Variants in MYO18B observed in about 807,000 individuals in gnomAD.
The protein encoded by MYO18B is unconventional myosin-XVIIIb.
MYO18B carries 204 observed loss-of-function variants against 273.0 expected under a neutral mutation model. The ratio of observed to expected loss-of-function variants is 0.75; its 90% CI spans 0.67 to 0.84. MYO18B has a LOEUF of 0.84. Ranked by LOEUF, MYO18B falls within the 40% of genes least tolerant of loss-of-function variation. The pLI, the probability that MYO18B is intolerant of heterozygous loss-of-function variation, is 0.00. For missense variants in MYO18B, 3,212 were observed against 3,287.6 expected (o/e 0.98, Z 0.56); for synonymous variants, 1,330 against 1,305.7 (o/e 1.02, Z -0.40).
At chr22:25,929,200 A>G (rs1280703342) in intron 34 of MYO18B, among the ~76,000 whole-genome samples, 1 of 151,870 alleles carries the variant, frequency 6.6e-6, no homozygotes, top group Non-Finnish European at 1.5e-5. Context: ...AAAATATAAC[A>G]TAACATCCCC....
At chr22:25,781,274 G>A (rs993536385) in intron 9 of MYO18B, among the ~76,000 whole-genome samples, 1 of 152,150 alleles carries the variant, frequency 6.6e-6, no homozygotes, top group Non-Finnish European at 1.5e-5. Flanking sequence ...TGACGTGGAG[G>A]TTGCCAGCAA....
chr22:25,925,872 T>A (rs1470582380), intron 34 of MYO18B, among the ~76,000 whole-genome samples: 12 of 119,822 alleles, frequency 1.0e-4, no homozygotes, highest in Non-Finnish European at 3.2e-5. Context: ...GCCATTGCAC[T>A]CCAGCATGGG....
In MYO18B at chr22:25,863,342, C is replaced by T. The variant is rs137973514; in HGVS notation, c.3886-4978C>T. 7.9e-4 allele frequency among the ~76,000 whole-genome samples: 121 copies of T among 152,304 alleles called. 1 individual carries two copies. Among genetic ancestry groups the T allele is most frequent in the African/African-American group, 2.8e-3 (118 of 41,570 alleles). The stretch of plus-strand genomic sequence containing the variant: ...TCTGAACCCACAAAGATACTTTCTA[C>T]TGTTTCCCCTCACCCTTAGTTTGGA... On this transcript the variant is annotated intron_variant, in intron 21 of 43. Coordinates refer to ENST00000335473, the MANE Select transcript of MYO18B (RefSeq NM_032608.7).
chr22:25,753,277 T>C (rs1397652042), intron 1 of MYO18B, among the ~76,000 whole-genome samples: 2 of 152,154 alleles, frequency 1.3e-5, no homozygotes, highest in Non-Finnish European at 2.9e-5. Flanking sequence ...AACTTTCATG[T>C]CTAGCTAAAG....
At chr22:26,029,681 C>T (rs1028015263) in intron 43 of MYO18B, among the ~76,000 whole-genome samples, 5 of 152,130 alleles carry the variant, frequency 3.3e-5, no homozygotes, top group South Asian at 4.2e-4. Flanking sequence ...ACACCTCCAA[C>T]GATGCAAATG....
Position 25,858,386 on chromosome 22 carries a change from G to A in MYO18B, c.3885+6807G>A, listed in dbSNP as rs1601376711. On this transcript the variant is annotated intron_variant, in intron 21 of 43. Coordinates refer to ENST00000335473, the MANE Select transcript of MYO18B (RefSeq NM_032608.7). ...GGGGGCAGGTGCTATATGGACGGCA[G>A]CCAAATGGTTCACAGGATGAGTATC... Among the ~76,000 whole-genome samples, 3 of 152,224 alleles carry A rather than the reference G, an allele frequency of 2.0e-5. No homozygotes were observed. In the East Asian group the frequency reaches 5.8e-4, roughly 29 times the overall value.
At chr22:26,060,458 G>T in the MYO18B span, among the ~76,000 whole-genome samples, 1 of 152,254 alleles carries the variant, frequency 6.6e-6, no homozygotes, top group African/African-American at 2.4e-5. Context: ...AATGCAGGAA[G>T]TTGCAAAGGA....
chr22:25,832,839 G>C, intron 15 of MYO18B, 78 bp from the exon 16 acceptor site: 1 of 1,340,822 alleles, frequency 7.5e-7, no homozygotes, highest in South Asian at 1.2e-5. Context: ...AATCCTCTCC[G>C]CTTTTTCCTT....
chr22:25,787,286 A>G (rs1286366236), intron 11 of MYO18B, among the ~76,000 whole-genome samples: 128 of 77,526 alleles, frequency 1.7e-3, no homozygotes, highest in African/African-American at 4.9e-3. Flanking sequence ...ACACACACAC[A>G]CACACACACA....
intron 24 of MYO18B, chr22:25,877,032 A>G (rs2091219067): frequency 6.6e-6 from 1 of 152,220 alleles, no homozygotes; most frequent in Non-Finnish European, 1.5e-5. Flanking sequence ...TCATAGGCAC[A>G]GTGCTGAGCC....
chr22:26,023,852 C>G (rs887373273), intron 42 of MYO18B, among the ~76,000 whole-genome samples: 3 of 152,198 alleles, frequency 2.0e-5, no homozygotes, highest in Non-Finnish European at 4.4e-5. Context: ...CGTGTGAATG[C>G]CATCTTGCTG....
chr22:25,979,809 C>T (rs1051737714), intron 39 of MYO18B, among the ~76,000 whole-genome samples: 2 of 152,148 alleles, frequency 1.3e-5, no homozygotes, highest in African/African-American at 4.8e-5. Flanking sequence ...CCTTCCCCTT[C>T]TCCATCCCAA....
chr22:26,009,482 T>C (rs1158824928), intron 42 of MYO18B, among the ~76,000 whole-genome samples: 1 of 152,202 alleles, frequency 6.6e-6, no homozygotes, highest in Non-Finnish European at 1.5e-5. Context: ...TTCTCAGACG[T>C]GTTGTTAATA....
At chr22:25,914,487 T>C (rs2092223442) in intron 33 of MYO18B, among the ~76,000 whole-genome samples, 1 of 152,032 alleles carries the variant, frequency 6.6e-6, no homozygotes, top group South Asian at 2.1e-4. Context: ...ATGGCTATTA[T>C]GAATAGAATA....
rs2092643108 is a variant in MYO18B, at chr22:25,941,443, C to G, written c.5518-4694C>G. Among the ~76,000 whole-genome samples, 3 of 152,220 alleles carry G rather than the reference C, an allele frequency of 2.0e-5. No individual in the cohort carries two copies. The South Asian group carries it at 6.2e-4, about 32-fold the overall frequency. ...TACTACCCACTGCTCTCTGATGGCT[C>G]TTCCTGGAGCTCCTCAGGGGAAGGC... On this transcript the variant is annotated intron_variant, in intron 34 of 43. Coordinates refer to ENST00000335473, the MANE Select transcript of MYO18B (RefSeq NM_032608.7).
At chr22:25,962,623 AG>A in intron 39 of MYO18B, among the ~76,000 whole-genome samples, 1 of 152,310 alleles carries the variant, frequency 6.6e-6, no homozygotes, top group Middle Eastern at 3.4e-3. Flanking sequence ...GATCTAGAGG[AG>A]GAGATGCACA....
In MYO18B at chr22:26,030,026, G is replaced by T. The variant is rs533293097; in HGVS notation, c.*13-417G>T. ...GAGTTGCTACAGTAACGCCACCTGG[G>T]TATACAGAATTCCAGGCCCTCCACC... On this transcript the variant is annotated intron_variant, in intron 43 of 43. Coordinates refer to ENST00000335473, the MANE Select transcript of MYO18B (RefSeq NM_032608.7). 9.9e-5 allele frequency among the ~76,000 whole-genome samples: 15 copies of T among 152,194 alleles called. 1 individual carries two copies. The highest frequency in any genetic ancestry group is 1.8e-4 in the Non-Finnish European group (12 of 68,018).
At chr22:25,845,731 C>T (rs2090221118) in intron 18 of MYO18B, among the ~76,000 whole-genome samples, 1 of 152,212 alleles carries the variant, frequency 6.6e-6, no homozygotes, top group South Asian at 2.1e-4. Context: ...CTACTGTGTG[C>T]TAGGCCTGGT....
the MYO18B span, among the ~76,000 whole-genome samples, chr22:26,053,743 G>A: frequency 2.6e-4 from 39 of 152,178 alleles, no homozygotes; most frequent in African/African-American, 8.9e-4. Context: ...TGGAGTTGAG[G>A]AAGTCTACTG....
Sources: allele counts gnomAD v4.1 joint callset (sites outside exome capture counted in the v4.1 genomes callset), GRCh38; gene constraint gnomAD v4.1.1; transcripts MANE v1.5; gene names NCBI Gene and HGNC (gene_info 2026-07-23, HGNC 2026-07-21).